Variants in CLSTN2 observed in about 807,000 individuals in gnomAD.
CLSTN2 encodes the protein calsyntenin 2.
CLSTN2 carries 48 observed loss-of-function variants against 101.2 expected under a neutral mutation model. That is an observed-to-expected ratio of 0.47 (90% CI 0.38 to 0.60). The LOEUF is 0.60. Among genes scored for constraint, CLSTN2 ranks in the 20% least tolerant of loss-of-function variants. The pLI, the probability that CLSTN2 is intolerant of heterozygous loss-of-function variation, is 0.00. For synonymous variants in CLSTN2, 481 were observed against 463.6 expected, an observed-to-expected ratio of 1.04 and a Z score of -0.48; for missense variants, 1,160 against 1,238.2, an observed-to-expected ratio of 0.94 and a Z score of 0.95.
chr3:140,424,469 G>A (rs1052057610), intron 5 of CLSTN2, among the ~76,000 whole-genome samples: 1 of 152,154 alleles, frequency 6.6e-6, no homozygotes, highest in Non-Finnish European at 1.5e-5. Flanking sequence ...TCATCTTGGG[G>A]CCTATTCTCT....
chr3:140,034,202 G>A (rs1243779587), intron 1 of CLSTN2, among the ~76,000 whole-genome samples: 1 of 152,144 alleles, frequency 6.6e-6, no homozygotes, highest in Non-Finnish European at 1.5e-5. Context: ...AATTTTCTTG[G>A]TGACAGCCTG....
intron 1 of CLSTN2, among the ~76,000 whole-genome samples, chr3:139,965,725 C>A (rs534363046): frequency 3.9e-4 from 59 of 152,162 alleles, no homozygotes; most frequent in Non-Finnish European, 7.1e-4. Flanking sequence ...CATTCTGGGA[C>A]CTGTCCCTCC....
At chr3:140,490,729 G>A (rs1291184512) in intron 8 of CLSTN2, among the ~76,000 whole-genome samples, 6 of 152,074 alleles carry the variant, frequency 3.9e-5, no homozygotes, top group African/African-American at 1.4e-4. Flanking sequence ...AGTGTCATAG[G>A]CTGAACATTG....
At chr3:139,937,614 C>G (rs972559330) in intron 1 of CLSTN2, among the ~76,000 whole-genome samples, 1 of 150,962 alleles carries the variant, frequency 6.6e-6, no homozygotes, top group Non-Finnish European at 1.5e-5. Context: ...TGTGGTGACA[C>G]GCACCTGTAA....
chr3:140,557,930 T>A (rs973788770), intron 11 of CLSTN2, among the ~76,000 whole-genome samples: 1 of 152,230 alleles, frequency 6.6e-6, no homozygotes, highest in Admixed American at 6.5e-5. Flanking sequence ...TCTATATATG[T>A]CTGCATTTAA....
At chr3:140,132,543 T>A (rs2009539016) in intron 1 of CLSTN2, among the ~76,000 whole-genome samples, 1 of 152,108 alleles carries the variant, frequency 6.6e-6, no homozygotes. Context: ...TTTCCAGAAA[T>A]GAGGAGTTGT....
intron 2 of CLSTN2, among the ~76,000 whole-genome samples, chr3:140,294,496 C>G (rs1433575188): frequency 6.6e-6 from 1 of 151,766 alleles, no homozygotes; most frequent in Non-Finnish European, 1.5e-5. Flanking sequence ...TTCCCCAGCT[C>G]CTAAAGGCTT....
chr3:140,135,107 CACACACACACATATATATATATAT>C (rs2009590614), intron 1 of CLSTN2, among the ~76,000 whole-genome samples: 28 of 52,482 alleles, frequency 5.3e-4, no homozygotes, highest in African/African-American at 2.8e-3. Context: ...CACACACACA[CACACACACACATATATATATATAT>C]ATATATATAT....
At chr3:139,966,006 C>T (rs1267454333) in intron 1 of CLSTN2, among the ~76,000 whole-genome samples, 1 of 152,186 alleles carries the variant, frequency 6.6e-6, no homozygotes, top group Non-Finnish European at 1.5e-5. Flanking sequence ...GCCAATGGAA[C>T]ACAGCCAGGT....
At chr3:140,304,590 A>G (rs1223919416) in intron 2 of CLSTN2, among the ~76,000 whole-genome samples, 4 of 152,202 alleles carry the variant, frequency 2.6e-5, no homozygotes, top group African/African-American at 7.2e-5. Context: ...CCCACTTCCA[A>G]ATACCCTCAT....
At chr3:140,367,623 G>C (rs2087807311) in intron 2 of CLSTN2, among the ~76,000 whole-genome samples, 1 of 151,974 alleles carries the variant, frequency 6.6e-6, no homozygotes, top group Admixed American at 6.6e-5. Context: ...CACCTACCTG[G>C]GTTTTGTGTT....
chr3:140,201,956 C>T (rs1007884851), intron 2 of CLSTN2, among the ~76,000 whole-genome samples: 2 of 152,020 alleles, frequency 1.3e-5, no homozygotes, highest in Admixed American at 1.3e-4. Context: ...TGATATTGAG[C>T]AAAGTTTCGA....
At chr3:140,356,266 C>A (rs2087669740) in intron 2 of CLSTN2, among the ~76,000 whole-genome samples, 1 of 152,148 alleles carries the variant, frequency 6.6e-6, no homozygotes, top group East Asian at 1.9e-4. Flanking sequence ...GAAAGCAGAA[C>A]GTGTGCTGGG....
intron 8 of CLSTN2, among the ~76,000 whole-genome samples, chr3:140,497,087 C>A (rs546906553): frequency 1.5e-5 from 2 of 137,578 alleles, no homozygotes; most frequent in African/African-American, 5.7e-5. Context: ...GGTGACACAG[C>A]GAGACTCCGT....
At chr3:140,490,527 T>C (rs1934333283) in intron 8 of CLSTN2, among the ~76,000 whole-genome samples, 1 of 146,484 alleles carries the variant, frequency 6.8e-6, no homozygotes, top group African/African-American at 2.5e-5. Context: ...ATGTGACACA[T>C]CGGGCTGCAG....
chr3:140,325,801 G>A (rs528524117), intron 2 of CLSTN2, among the ~76,000 whole-genome samples: 1 of 152,286 alleles, frequency 6.6e-6, no homozygotes, highest in South Asian at 2.1e-4. Flanking sequence ...AATACAGAAT[G>A]TGAAGTCCCG....
intron 8 of CLSTN2, among the ~76,000 whole-genome samples, chr3:140,494,759 T>G (rs1934426940): frequency 6.6e-6 from 1 of 152,206 alleles, no homozygotes; most frequent in Non-Finnish European, 1.5e-5. Flanking sequence ...TAATGGCTTT[T>G]AGCTCCATTC....
chr3:140,250,264 C>T (rs1197845494), intron 2 of CLSTN2, among the ~76,000 whole-genome samples: 3 of 152,150 alleles, frequency 2.0e-5, no homozygotes, highest in Non-Finnish European at 2.9e-5. Context: ...TGCCGAGCAA[C>T]GTACTTGGAT....
At chr3:140,200,514 A>G (rs1576464797) in intron 2 of CLSTN2, among the ~76,000 whole-genome samples, 1 of 152,308 alleles carries the variant, frequency 6.6e-6, no homozygotes, top group East Asian at 1.9e-4. Context: ...TGCTAATAGC[A>G]TGCTCTTTAT....
Sources: gnomAD v4.1 joint callset for allele counts (sites outside exome capture counted in the v4.1 genomes callset) on GRCh38, gnomAD v4.1.1 for gene constraint, MANE v1.5 for transcripts, NCBI Gene and HGNC (gene_info 2026-07-23, HGNC 2026-07-21) for gene names.